Variants in WDR7 observed in about 807,000 individuals in gnomAD.
The protein encoded by WDR7 is WD repeat domain 7.
In WDR7, 46 loss-of-function variants were observed where a neutral mutation model predicts 169.4. The observed-to-expected ratio is 0.27, with a 90% CI of 0.21 to 0.35. WDR7 has a LOEUF of 0.35. Ranked by LOEUF, WDR7 falls within the 10% of genes least tolerant of loss-of-function variation. The probability of loss-of-function intolerance (pLI) is 1.00; values close to 1 mark genes in which losing one functional copy is unlikely to be tolerated. For missense variants in WDR7, 1,534 were observed against 1,859.3 expected, an observed-to-expected ratio of 0.83 and a Z score of 3.22; for synonymous variants, 612 against 666.8, an observed-to-expected ratio of 0.92 and a Z score of 1.27.
At chr18:56,908,547 T>A (rs151228200) in intron 21 of WDR7, among the ~76,000 whole-genome samples, 296 of 152,296 alleles carry the variant, frequency 1.9e-3, no homozygotes, top group African/African-American at 6.8e-3. Context: ...AAACAAGTAT[T>A]GTATATAATA....
In WDR7 at chr18:56,731,403, A is replaced by T. The variant is rs766978597; in HGVS notation, c.1795A>T (p.Met599Leu). Residue 599 changes from methionine (M) to leucine (L), a missense_variant, in exon 14 of 28, where the codon ATG (methionine) becomes TTG (leucine). Transcript: ENST00000254442. ...CGCAGGTGCATTGGATCGTTGTGTG[A>T]TGGGGATAACAGCAGTTGAGATTCT... ...MDTGALDRCV[M>L]GITAVEILNA... 6.2e-6 allele frequency: 10 copies of T among 1,613,846 alleles called. No homozygotes were observed. The highest frequency in any genetic ancestry group is 1.7e-5 in the Admixed American group (1 of 60,002).
rs780024802 is a variant in WDR7, at chr18:56,694,633, T to A, written c.981T>A (p.Pro327=). ...DRKDKELLIC[P]PVTRFFYGCR... The stretch of plus-strand genomic sequence containing the variant: ...TTTTTTGGCAGTTGCTAATTTGTCC[T>A]CCTGTTACTCGGTTCTTCTATGGAT... Residue 327 remains proline (P), a synonymous_variant, in exon 10 of 28, where the codon CCT becomes CCA. Coordinates refer to ENST00000254442, the MANE Select transcript of WDR7 (RefSeq NM_015285.3). The A allele has an allele frequency of 1.2e-6, 2 of 1,608,772 alleles. No homozygotes were observed. Among genetic ancestry groups the A allele is most frequent in the East Asian group, 4.5e-5 (2 of 44,748 alleles).
At chr18:56,811,567 A>G (rs534330086) in intron 19 of WDR7, among the ~76,000 whole-genome samples, 3 of 152,242 alleles carry the variant, frequency 2.0e-5, no homozygotes, top group Non-Finnish European at 4.4e-5. Flanking sequence ...CTTACATTTC[A>G]GAGATTTTCT....
chr18:57,003,529 A>G (rs1000292137), intron 26 of WDR7, among the ~76,000 whole-genome samples: 5 of 152,076 alleles, frequency 3.3e-5, no homozygotes, highest in Non-Finnish European at 7.4e-5. Flanking sequence ...CTTTCTAAAT[A>G]TAGAATGAAC....
rs530452973 is a variant in WDR7 at position 56,713,130 on chromosome 18, A to C, written c.1579-4834A>C. Among the ~76,000 whole-genome samples the C allele has an allele frequency of 3.0e-3, 458 of 152,320 alleles. 1 individual carries two copies. Among genetic ancestry groups the C allele is most frequent in the Middle Eastern group, 6.8e-3 (2 of 294 alleles). On this transcript the variant is annotated intron_variant, in intron 12 of 27. Transcript: ENST00000254442. ...ATGGATGGGAGATATTTCTAATGAA[A>C]AATCTCTTCATCGGCTATATTACAA...
intron 20 of WDR7, among the ~76,000 whole-genome samples, chr18:56,835,017 G>A (rs1014473286): frequency 3.3e-5 from 5 of 152,144 alleles, no homozygotes; most frequent in African/African-American, 9.7e-5. Context: ...CAGCACAAGG[G>A]TAGGGATCTT....
intron 27 of WDR7, among the ~76,000 whole-genome samples, chr18:57,022,187 T>A (rs2048302204): frequency 6.6e-6 from 1 of 152,260 alleles, no homozygotes; most frequent in South Asian, 2.1e-4. Context: ...ACTGGGCTTT[T>A]GCAGCAGTGG....
intron 21 of WDR7, among the ~76,000 whole-genome samples, chr18:56,905,693 C>A (rs1042373243): frequency 2.7e-5 from 4 of 150,934 alleles, no homozygotes; most frequent in Admixed American, 6.6e-5. Context: ...TGTGAAAACA[C>A]CTCCACTTAC....
intron 26 of WDR7, among the ~76,000 whole-genome samples, chr18:56,996,528 A>C (rs2047901408): frequency 6.6e-6 from 1 of 152,234 alleles, no homozygotes; most frequent in African/African-American, 2.4e-5. Context: ...AGTTTTGACA[A>C]ATGGTTGTAA....
chr18:56,902,526 G>A (rs556372552), intron 21 of WDR7, among the ~76,000 whole-genome samples: 1 of 152,278 alleles, frequency 6.6e-6, no homozygotes, highest in South Asian at 2.1e-4. Context: ...TGGAAACTCT[G>A]TGATTTTTCT....
chr18:56,793,668 C>G (rs1476123791), intron 19 of WDR7, among the ~76,000 whole-genome samples: 1 of 152,178 alleles, frequency 6.6e-6, no homozygotes, highest in East Asian at 1.9e-4. Flanking sequence ...ATACATGCCC[C>G]ATAGCCCTGT....
intron 26 of WDR7, among the ~76,000 whole-genome samples, chr18:56,966,474 T>C (rs1183739727): frequency 6.6e-6 from 1 of 152,166 alleles, no homozygotes; most frequent in Non-Finnish European, 1.5e-5. Flanking sequence ...CTCTTCCTTA[T>C]GATTTTAATA....
chr18:56,776,856 C>T lies in WDR7; in HGVS notation c.2923C>T (p.His975Tyr). The T allele has an allele frequency of 6.2e-7, 1 of 1,613,642 alleles. No homozygotes were observed. The highest frequency in any genetic ancestry group is 8.5e-7 in the Non-Finnish European group (1 of 1,179,722). The change falls in exon 17 of 28, where the codon CAT (histidine) becomes TAT (tyrosine). Residue 975 changes from histidine (H) to tyrosine (Y), a missense_variant. Transcript: ENST00000254442. Reference protein sequence around the residue: ...GSDPPSAPALHTCFLVNEGWS... With the variant: ...GSDPPSAPALYTCFLVNEGWS... ...TGACCCTCCTTCTGCTCCTGCTTTA[C>T]ATACCTGTTTCTTAGTAAATGAAGG...
chr18:56,750,387 T>C (rs1185639733), intron 14 of WDR7, among the ~76,000 whole-genome samples: 1 of 152,224 alleles, frequency 6.6e-6, no homozygotes, highest in Non-Finnish European at 1.5e-5. Flanking sequence ...CGTTGAATCT[T>C]ACTAGCAAAT....
chr18:56,963,499 T>C lies in WDR7; in HGVS notation c.4164+970T>C, dbSNP rs546992932. Among the ~76,000 whole-genome samples, 9 of 152,068 alleles carry C rather than the reference T, an allele frequency of 5.9e-5. No homozygotes were observed. In the South Asian group the frequency reaches 1.9e-3, roughly 32 times the overall value. ...AGTAGTTCTAAGAGATGGTAACAGG[T>C]GTTGAGGTGTTGGGGGTAAAAATTT... On this transcript the variant is annotated intron_variant, in intron 26 of 27. Transcript: ENST00000254442.
chr18:56,712,703 C>T (rs898879148), intron 12 of WDR7, among the ~76,000 whole-genome samples: 5 of 152,164 alleles, frequency 3.3e-5, no homozygotes, highest in African/African-American at 1.2e-4. Flanking sequence ...AATACTTCAT[C>T]TGTGCTGCAT....
downstream of WDR7, chr18:57,032,799 TTTTATATATA>T (rs1434149131): frequency 2.3e-5 from 2 of 85,488 alleles, no homozygotes; most frequent in Non-Finnish European, 4.6e-5. Flanking sequence ...TGTATAATTA[TTTTATATATA>T]TATATATATA....
intron 26 of WDR7, 148 bp downstream of exon 26, chr18:56,962,677 G>A (rs1161578456): frequency 2.8e-6 from 2 of 723,678 alleles, no homozygotes; most frequent in Non-Finnish European, 4.6e-6. Context: ...AGGACGCACA[G>A]AATATAGAGC....
In WDR7 at chr18:57,021,824, CAAAACAA is replaced by C. The variant is rs1384768281; in HGVS notation, c.4269+978_4269+984del. ...CAGTTTATTGCTTTGAAATCTAAAA[CAAAACAA>C]AATAAAAGTTTAAACAAGGCTTCAG... On this transcript the variant is annotated intron_variant, in intron 27 of 27. Transcript: ENST00000254442. 2.6e-5 allele frequency among the ~76,000 whole-genome samples: 4 copies of C among 152,024 alleles called. No homozygotes were observed. In the East Asian group the frequency reaches 7.7e-4, roughly 29 times the overall value.
Sources: allele counts gnomAD v4.1 joint callset (sites outside exome capture counted in the v4.1 genomes callset), GRCh38; gene constraint gnomAD v4.1.1; transcripts MANE v1.5; gene names NCBI Gene and HGNC (gene_info 2026-07-23, HGNC 2026-07-21).